The following SNTG1 variants were observed in gnomAD, a reference collection of about 807,000 sequenced individuals.
SNTG1 encodes the protein syntrophin gamma 1, also known as gamma-1-syntrophin.
A neutral mutation model predicts 74.7 loss-of-function variants in SNTG1; 39 were observed. The ratio of observed to expected loss-of-function variants is 0.52; its 90% confidence interval spans 0.40 to 0.68. The LOEUF (loss-of-function observed/expected upper bound fraction) is 0.68. Among genes scored for constraint, SNTG1 ranks in the 30% least tolerant of loss-of-function variants. The probability of loss-of-function intolerance (pLI) is 0.00; values close to 1 mark genes in which losing one functional copy is unlikely to be tolerated. For synonymous variants in SNTG1, 254 were observed against 217.1 expected (o/e 1.17, Z -1.49); for missense variants, 685 against 609.5 (o/e 1.12, Z -1.30).
intron 15 of SNTG1, among the ~76,000 whole-genome samples, chr8:50,690,122 A>G (rs371168619): frequency 2.6e-5 from 4 of 151,918 alleles, no homozygotes; most frequent in East Asian, 3.9e-4. Flanking sequence ...TATTGCGTCT[A>G]TTTGATTCTT....
At position 50,529,886 on chromosome 8, in the gene SNTG1, A is replaced by G. The variant is rs151280745; in HGVS notation, c.467-291A>G. Among the ~76,000 whole-genome samples the G allele has an allele frequency of 5.2e-4, 73 of 140,846 alleles. 2 individuals are homozygous for G. The highest frequency in any genetic ancestry group is 1.2e-3 in the African/African-American group (49 of 40,284). 92.4% of individuals were successfully genotyped at this position (140,846 alleles called of 152,430 possible). A position where few individuals can be genotyped will look rare whatever the true frequency, so the allele number is the denominator to read the frequency against. On this transcript the variant is annotated intron_variant, in intron 9 of 18. Coordinates refer to ENST00000642720, the MANE Select transcript of SNTG1 (RefSeq NM_018967.5). ...ATGGTTTCTAAGAGCAGGCCACTTT[A>G]GATAATTAAACAAAATAATACTTTT...
chr8:49,951,252 G>T (rs1809670307), intron 1 of SNTG1, among the ~76,000 whole-genome samples: 1 of 152,162 alleles, frequency 6.6e-6, no homozygotes, highest in Non-Finnish European at 1.5e-5. Context: ...TTTTATCTGT[G>T]AAAAGGGAAA....
intron 1 of SNTG1, among the ~76,000 whole-genome samples, chr8:50,097,391 A>G (rs2079966369): frequency 6.6e-6 from 1 of 152,172 alleles, no homozygotes; most frequent in Admixed American, 6.5e-5. Context: ...AAATGAAATT[A>G]TTTCTTTCTT....
chr8:50,593,052 A>T (rs2094702503), intron 13 of SNTG1, among the ~76,000 whole-genome samples: 2 of 152,194 alleles, frequency 1.3e-5, no homozygotes, highest in African/African-American at 4.8e-5. Flanking sequence ...ATTTCTGATG[A>T]TATCTACATT....
chr8:50,048,429 C>T (rs1819284573), intron 1 of SNTG1, among the ~76,000 whole-genome samples: 1 of 152,150 alleles, frequency 6.6e-6, no homozygotes, highest in Non-Finnish European at 1.5e-5. Flanking sequence ...ATGCATGATC[C>T]TCATGTGCAG....
intron 2 of SNTG1, among the ~76,000 whole-genome samples, chr8:50,210,145 G>T (rs1415782812): frequency 6.6e-6 from 1 of 152,216 alleles, no homozygotes; most frequent in African/African-American, 2.4e-5. Context: ...AAGATCAAAT[G>T]AATGAAATGA....
At chr8:49,954,962 G>C (rs923364353) in intron 1 of SNTG1, among the ~76,000 whole-genome samples, 2 of 152,014 alleles carry the variant, frequency 1.3e-5, no homozygotes, top group Admixed American at 1.3e-4. Context: ...TATTTAATTG[G>C]TCTGTTATCA....
At chr8:50,072,320 C>A (rs1821440919) in intron 1 of SNTG1, among the ~76,000 whole-genome samples, 1 of 152,052 alleles carries the variant, frequency 6.6e-6, no homozygotes, top group Non-Finnish European at 1.5e-5. Flanking sequence ...ATATAGGTAT[C>A]CAATAAGTAA....
chr8:50,103,757 GT>G (rs1280194512), intron 1 of SNTG1, among the ~76,000 whole-genome samples: 3 of 152,186 alleles, frequency 2.0e-5, no homozygotes, highest in Non-Finnish European at 4.4e-5. Flanking sequence ...TTTATTGAGA[GT>G]TTTTAGCATG....
At chr8:50,072,873 A>G (rs1821496989) in intron 1 of SNTG1, among the ~76,000 whole-genome samples, 1 of 152,236 alleles carries the variant, frequency 6.6e-6, no homozygotes, top group African/African-American at 2.4e-5. Context: ...CAATAAAATT[A>G]TGTCTAAAAA....
At chr8:50,432,778 A>T (rs2093253091) in intron 4 of SNTG1, among the ~76,000 whole-genome samples, 1 of 151,448 alleles carries the variant, frequency 6.6e-6, no homozygotes, top group African/African-American at 2.4e-5. Context: ...TTTACATTTT[A>T]TTTTTTATTT....
At chr8:50,356,857 G>A (rs1386557102) in intron 2 of SNTG1, among the ~76,000 whole-genome samples, 1 of 152,084 alleles carries the variant, frequency 6.6e-6, no homozygotes, top group Non-Finnish European at 1.5e-5. Flanking sequence ...TAACTCATTG[G>A]GATTCATGGA....
intron 1 of SNTG1, among the ~76,000 whole-genome samples, chr8:50,046,651 G>A (rs1819113458): frequency 6.6e-6 from 1 of 152,026 alleles, no homozygotes; most frequent in African/African-American, 2.4e-5. Flanking sequence ...CTAAAACAAA[G>A]GAGTTCATAG....
intron 2 of SNTG1, among the ~76,000 whole-genome samples, chr8:50,240,512 T>G (rs1373023379): frequency 6.6e-6 from 1 of 152,192 alleles, no homozygotes; most frequent in Non-Finnish European, 1.5e-5. Context: ...CTTTGTGACT[T>G]CTTAGAACAA....
Position 50,752,015 on chromosome 8 carries a change from G to A in SNTG1, c.1299G>A (p.Arg433=). The A allele has an allele frequency of 6.4e-7, 1 of 1,564,246 alleles. No homozygotes were observed. ...CCCCCCTTTAGGCTGTCCTTTGGAG[G>A]TATAAATTCTCTCAGCTTAAAGGTT... ...FDAATKAVLW[R]YKFSQLKGSS... The change falls in exon 18 of 19, where the codon AGG becomes AGA. Residue 433 remains arginine, a synonymous_variant. Coordinates refer to ENST00000642720, the MANE Select transcript of SNTG1 (RefSeq NM_018967.5).
At chr8:50,611,357 A>G (rs1003129758) in intron 13 of SNTG1, among the ~76,000 whole-genome samples, 1 of 152,162 alleles carries the variant, frequency 6.6e-6, no homozygotes, top group Non-Finnish European at 1.5e-5. Flanking sequence ...CATAAAAGTG[A>G]GAATCCCAGA....
rs560973181 is a variant in SNTG1 at position 49,971,677 on chromosome 8, C to A, written c.-103+59446C>A. ...GCAACTTCAGCAAAGTCTCAGGATACAAAATCAATGTGCAAAAATCACAAG... is the reference window on the plus strand; with the variant it reads ...GCAACTTCAGCAAAGTCTCAGGATAAAAAATCAATGTGCAAAAATCACAAG... On this transcript the variant is annotated intron_variant, in intron 1 of 18. Transcript: ENST00000642720. 1.6e-3 allele frequency among the ~76,000 whole-genome samples: 242 copies of A among 152,258 alleles called. 6 individuals carry two copies. Among genetic ancestry groups the A allele is most frequent in the African/African-American group, 5.6e-3 (232 of 41,532 alleles).
At chr8:49,931,109 T>G (rs2129356778) in intron 1 of SNTG1, among the ~76,000 whole-genome samples, 1 of 152,278 alleles carries the variant, frequency 6.6e-6, no homozygotes, top group African/African-American at 2.4e-5. Flanking sequence ...TTACTGATTC[T>G]CATGGAAATG....
intron 1 of SNTG1, among the ~76,000 whole-genome samples, chr8:49,976,166 A>G (rs1812172327): frequency 1.3e-5 from 2 of 152,160 alleles, no homozygotes; most frequent in Non-Finnish European, 2.9e-5. Context: ...ATTTAATTAG[A>G]TCCTATATCT....
Sources: gnomAD v4.1 joint callset for allele counts (sites outside exome capture counted in the v4.1 genomes callset) on GRCh38, gnomAD v4.1.1 for gene constraint, MANE v1.5 for transcripts, NCBI Gene and HGNC (gene_info 2026-07-23, HGNC 2026-07-21) for gene names.